Variants in PDHX observed in about 807,000 individuals in gnomAD.
PDHX encodes the protein pyruvate dehydrogenase protein X component, mitochondrial.
In PDHX, 33 loss-of-function variants were observed where a neutral mutation model predicts 55.3. That is an observed-to-expected ratio of 0.60 (90% CI 0.45 to 0.80). The LOEUF (loss-of-function observed/expected upper bound fraction) is 0.80. Among genes scored for constraint, PDHX ranks in the 30% least tolerant of loss-of-function variants. PDHX has a pLI of 0.00. For synonymous variants in PDHX, 226 were observed against 219.4 expected, an observed-to-expected ratio of 1.03 and a Z score of -0.27; for missense variants, 622 against 619.9, an observed-to-expected ratio of 1.00 and a Z score of -0.04.
chr11:34,963,276 A>C lies in PDHX; in HGVS notation c.641+2758A>C, dbSNP rs148775980. On this transcript the variant is annotated intron_variant, in intron 5 of 10. Transcript: ENST00000227868. The stretch of plus-strand genomic sequence containing the variant: ...CACTTTTTTATTTTTTAACGTTTTG[A>C]ATTTTTTTTTCTTTAAGAGAGAGAC... Among the ~76,000 whole-genome samples, 1,219 of 151,894 alleles carry C rather than the reference A, an allele frequency of 8.0e-3. 12 individuals are homozygous for C. Among genetic ancestry groups the C allele is most frequent in the Middle Eastern group, 0.024 (7 of 294 alleles).
chr11:34,974,256 A>T (rs1455497432), intron 7 of PDHX, among the ~76,000 whole-genome samples: 1 of 152,124 alleles, frequency 6.6e-6, no homozygotes, highest in Non-Finnish European at 1.5e-5. Context: ...TATTAGTGGG[A>T]TCATATAGTA....
intron 2 of PDHX, among the ~76,000 whole-genome samples, chr11:34,936,949 C>A (rs552952365): frequency 6.6e-6 from 1 of 151,738 alleles, no homozygotes; most frequent in Non-Finnish European, 1.5e-5. Flanking sequence ...CCACCATGCC[C>A]AGCTAATTTT....
intron 7 of PDHX, among the ~76,000 whole-genome samples, chr11:34,971,256 T>C (rs1045742310): frequency 5.3e-5 from 8 of 152,144 alleles, no homozygotes; most frequent in Admixed American, 5.2e-4. Context: ...TAGCATGAAC[T>C]GATAGTTTTA....
intron 9 of PDHX, among the ~76,000 whole-genome samples, chr11:34,991,245 GA>G (rs1855751483): frequency 6.6e-6 from 1 of 152,098 alleles, no homozygotes; most frequent in African/African-American, 2.4e-5. Flanking sequence ...GCTCATTCAG[GA>G]AATGATTTAG....
At chr11:34,920,937 G>T (rs913378935) in intron 1 of PDHX, among the ~76,000 whole-genome samples, 5 of 152,184 alleles carry the variant, frequency 3.3e-5, no homozygotes. Context: ...CCTGTTTTTT[G>T]TAGGCATCTG....
chr11:34,920,407 A>T (rs1853846203), intron 1 of PDHX, among the ~76,000 whole-genome samples: 1 of 152,224 alleles, frequency 6.6e-6, no homozygotes, highest in Admixed American at 6.5e-5. Flanking sequence ...TTCAATAAAC[A>T]TATCTAAGGA....
chr11:34,957,298 G>T, intron 3 of PDHX, 86 bp from the exon 4 acceptor site: 2 of 940,534 alleles, frequency 2.1e-6, no homozygotes, highest in Non-Finnish European at 1.7e-6. Context: ...GATATCTTAA[G>T]GGGAGAATTA....
At chr11:34,930,577 G>A (rs979540560) in intron 1 of PDHX, among the ~76,000 whole-genome samples, 6 of 152,194 alleles carry the variant, frequency 3.9e-5, no homozygotes, top group African/African-American at 1.4e-4. Context: ...ATAGGGGATG[G>A]ACGTATTTGT....
At chr11:34,928,817 C>G (rs985964592) in intron 1 of PDHX, among the ~76,000 whole-genome samples, 9 of 152,108 alleles carry the variant, frequency 5.9e-5, no homozygotes, top group Non-Finnish European at 1.0e-4. Flanking sequence ...GTGCACTTCC[C>G]TAATTTTAGT....
At chr11:34,951,177 C>T (rs1345069942) in intron 3 of PDHX, among the ~76,000 whole-genome samples, 1 of 151,404 alleles carries the variant, frequency 6.6e-6, no homozygotes, top group Non-Finnish European at 1.5e-5. Context: ...CTGCCTCAGC[C>T]TCCCGAGTAG....
chr11:34,967,760 A>G (rs1450086526), intron 6 of PDHX, among the ~76,000 whole-genome samples: 3 of 152,208 alleles, frequency 2.0e-5, no homozygotes, highest in Admixed American at 6.5e-5. Context: ...ATACCATATG[A>G]TATTTTAAAA....
chr11:34,931,461 T>C lies in PDHX; in HGVS notation c.218T>C (p.Ile73Thr). 1 of 1,602,936 alleles carries C rather than the reference T, an allele frequency of 6.2e-7. No homozygotes were observed. The highest frequency in any genetic ancestry group is 8.5e-7 in the Non-Finnish European group (1 of 1,170,486). The change falls in exon 2 of 11, where the codon ATT (isoleucine) becomes ACT (threonine). Residue 73 changes from isoleucine (I) to threonine (T), a missense_variant. Physicochemically the swap from Ile to Thr is moderately conservative, Grantham distance 89 (BLOSUM62 -1). Coordinates refer to ENST00000227868, the MANE Select transcript of PDHX (RefSeq NM_003477.3). ...TCTCCTACAATGGAAGAAGGAAACA[T>C]TGTGAAATGGCTGAAAAAGGAAGGT... is the stretch of plus-strand genomic sequence containing the variant. ...SLSPTMEEGN[I>T]VKWLKKEGEA...
rs114546520 is a variant in PDHX, at chr11:34,969,626, T to C, written c.817-513T>C. 7.4e-3 allele frequency among the ~76,000 whole-genome samples: 1,126 copies of C among 152,308 alleles called. 17 individuals are homozygous for C. Among genetic ancestry groups the C allele is most frequent in the African/African-American group, 0.026 (1,081 of 41,562 alleles). Reference sequence around the variant, plus strand: ...CAAAGTAATCCTGAGATTACAGGTGTGAGCCACCGTGCCCAGCCCATTTCA... The same window carrying C: ...CAAAGTAATCCTGAGATTACAGGTGCGAGCCACCGTGCCCAGCCCATTTCA... On this transcript the variant is annotated intron_variant, in intron 6 of 10. Transcript: ENST00000227868.
At chr11:34,916,489 A>C (rs1184099099), upstream of PDHX, 1 of 1,457,962 alleles carries the variant, frequency 6.9e-7, no homozygotes, top group South Asian at 1.4e-5. Context: ...CCCGGGAGGC[A>C]AGGCCAACGT....
chr11:34,916,252 A>G, upstream of PDHX: 2 of 1,612,590 alleles, frequency 1.2e-6, no homozygotes, highest in South Asian at 2.2e-5. Flanking sequence ...TCCGGGAACA[A>G]CAGTCTCCCT....
intron 7 of PDHX, among the ~76,000 whole-genome samples, chr11:34,973,434 A>C (rs1036384213): frequency 6.6e-6 from 1 of 152,092 alleles, no homozygotes; most frequent in East Asian, 1.9e-4. Flanking sequence ...ATTTAAATCT[A>C]CCATTTTGTT....
intron 2 of PDHX, among the ~76,000 whole-genome samples, chr11:34,942,346 C>T (rs2133957677): frequency 6.6e-6 from 1 of 152,196 alleles, no homozygotes; most frequent in East Asian, 1.9e-4. Flanking sequence ...TTATTTTTAC[C>T]TAGAGATGTT....
At chr11:34,954,708 A>G (rs1296061146) in intron 3 of PDHX, among the ~76,000 whole-genome samples, 30 of 152,232 alleles carry the variant, frequency 2.0e-4, no homozygotes, top group Admixed American at 2.0e-3. Context: ...AAAACACCAC[A>G]GCAATAACAA....
At chr11:34,982,794 T>TA (rs940571920) in intron 8 of PDHX, among the ~76,000 whole-genome samples, 9 of 151,792 alleles carry the variant, frequency 5.9e-5, no homozygotes, top group African/African-American at 1.5e-4. Context: ...GCTTACCAAC[T>TA]AAAAAAAGTC....
Sources: gnomAD v4.1 joint callset for allele counts (sites outside exome capture counted in the v4.1 genomes callset) on GRCh38, gnomAD v4.1.1 for gene constraint, MANE v1.5 for transcripts, NCBI Gene and HGNC (gene_info 2026-07-23, HGNC 2026-07-21) for gene names.